LEPR: variants seen among roughly 807,000 people sequenced by gnomAD.
LEPR encodes the protein OB receptor.
Under a neutral mutation model 114.7 loss-of-function variants are expected in LEPR, and 56 were observed. The ratio of observed to expected loss-of-function variants is 0.49; its 90% CI spans 0.39 to 0.61. The LOEUF is 0.61. Ranked by LOEUF, LEPR falls within the 20% of genes least tolerant of loss-of-function variation. The pLI is 0.00. For missense variants in LEPR, 1,202 were observed against 1,352.9 expected (o/e 0.89, Z 1.75); for synonymous variants, 443 against 461.4 (o/e 0.96, Z 0.51).
intron 2 of LEPR, among the ~76,000 whole-genome samples, chr1:65,469,180 G>A (rs1647052871): frequency 1.3e-5 from 2 of 152,152 alleles, no homozygotes. Context: ...GCTATGCTGA[G>A]TCCGGTGGGC....
At chr1:65,556,233 C>T (rs1480367326) in intron 2 of LEPR, among the ~76,000 whole-genome samples, 1 of 152,154 alleles carries the variant, frequency 6.6e-6, no homozygotes, top group Non-Finnish European at 1.5e-5. Flanking sequence ...TGATCTTGGA[C>T]TTTCCAGCCT....
At chr1:65,552,137 A>G (rs908515719) in intron 2 of LEPR, among the ~76,000 whole-genome samples, 1 of 152,154 alleles carries the variant, frequency 6.6e-6, no homozygotes, top group Admixed American at 6.5e-5. Flanking sequence ...TATGTGGTCA[A>G]TTTTAGAATA....
At chr1:65,625,608 A>G (rs1315604197) in intron 19 of LEPR, among the ~76,000 whole-genome samples, 1 of 152,184 alleles carries the variant, frequency 6.6e-6, no homozygotes, top group Non-Finnish European at 1.5e-5. Context: ...AAGGGGTTCC[A>G]TTGTGCTGAG....
chr1:65,529,389 G>A (rs1393141154), intron 2 of LEPR, among the ~76,000 whole-genome samples: 3 of 151,902 alleles, frequency 2.0e-5, no homozygotes, highest in African/African-American at 7.3e-5. Flanking sequence ...AGACCTGGTG[G>A]CAGGCGCCTG....
At chr1:65,458,568 G>T (rs190834677) in intron 2 of LEPR, among the ~76,000 whole-genome samples, 23 of 152,204 alleles carry the variant, frequency 1.5e-4, no homozygotes, top group Admixed American at 1.4e-3. Flanking sequence ...TAGGTAAGGG[G>T]TTTTTGTTTT....
intron 2 of LEPR, among the ~76,000 whole-genome samples, chr1:65,515,851 T>A (rs571109477): frequency 6.6e-6 from 1 of 152,314 alleles, no homozygotes; most frequent in South Asian, 2.1e-4. Context: ...ACATTTTGAA[T>A]ATCATGAAAT....
intron 2 of LEPR, among the ~76,000 whole-genome samples, chr1:65,530,267 T>C (rs537635340): frequency 6.6e-6 from 1 of 152,232 alleles, no homozygotes; most frequent in Non-Finnish European, 1.5e-5. Flanking sequence ...CTCTGTGCTC[T>C]ATCTTCAAAA....
At chr1:65,554,715 G>C (rs1166628401) in intron 2 of LEPR, among the ~76,000 whole-genome samples, 1 of 152,012 alleles carries the variant, frequency 6.6e-6, no homozygotes, top group Admixed American at 6.6e-5. Flanking sequence ...GGAAGTGAAC[G>C]GTTCTGTCTG....
intron 19 of LEPR, among the ~76,000 whole-genome samples, chr1:65,629,027 T>A (rs1174970493): frequency 6.6e-6 from 1 of 152,146 alleles, no homozygotes; most frequent in Non-Finnish European, 1.5e-5. Context: ...CTTATGCCAC[T>A]ATGAAATGTA....
intron 2 of LEPR, chr1:65,434,908 A>G (rs2100248204): frequency 1.0e-6 from 1 of 985,488 alleles, no homozygotes; most frequent in East Asian, 1.1e-4. Flanking sequence ...ATCACACTTC[A>G]TCACAGAAAG....
chr1:65,488,217 TCTCTCTCTC>T lies in LEPR; in HGVS notation c.-21+62840_-21+62848del, dbSNP rs777101010. The stretch of plus-strand genomic sequence containing the variant: ...CTTTCTTTCTTTCTTTCTTTCTCTC[TCTCTCTCTC>T]TCTTTCTTTCTTTCTTTCTTTCTTT... On this transcript the variant is annotated intron_variant, in intron 2 of 19. Coordinates refer to ENST00000349533, the MANE Select transcript of LEPR (RefSeq NM_002303.6). 5.9e-3 allele frequency among the ~76,000 whole-genome samples: 339 copies of T among 57,916 alleles called. 4 individuals are homozygous for T. Among genetic ancestry groups the T allele is most frequent in the Non-Finnish European group, 7.5e-3 (239 of 31,748 alleles). The allele number at this position is 57,916 out of a possible 152,430, so 38.0% of individuals were successfully genotyped here.
intron 7 of LEPR, among the ~76,000 whole-genome samples, chr1:65,597,019 A>G (rs759393217): frequency 3.8e-4 from 58 of 152,178 alleles, no homozygotes; most frequent in Non-Finnish European, 7.6e-4. Context: ...TTTTAGCAGG[A>G]ACACCCCCAC....
At chr1:65,436,111 G>T (rs1646559776) in intron 2 of LEPR, 1 of 976,834 alleles carries the variant, frequency 1.0e-6, no homozygotes, top group Non-Finnish European at 1.2e-6. Context: ...CAGTGTTTTT[G>T]TCTGTATAAT....
At chr1:65,557,643 C>T (rs1187556273) in intron 2 of LEPR, among the ~76,000 whole-genome samples, 2 of 152,224 alleles carry the variant, frequency 1.3e-5, no homozygotes. Flanking sequence ...TGGTCTTGAA[C>T]TCCCGACCTC....
At chr1:65,488,204 CTT>C (rs369459194) in intron 2 of LEPR, among the ~76,000 whole-genome samples, 1,679 of 34,282 alleles carry the variant, frequency 0.049, 70 homozygotes, top group Admixed American at 0.079. Flanking sequence ...TTCTTTCTTT[CTT>C]TCTTTCTCTC....
intron 2 of LEPR, chr1:65,435,188 C>T: frequency 1.0e-6 from 1 of 985,368 alleles, no homozygotes; most frequent in Non-Finnish European, 1.2e-6. Context: ...ATAGTTGTTT[C>T]TTTTCTTCCA....
chr1:65,529,868 T>A (rs1650263930), intron 2 of LEPR, among the ~76,000 whole-genome samples: 1 of 152,150 alleles, frequency 6.6e-6, no homozygotes, highest in Non-Finnish European at 1.5e-5. Flanking sequence ...CTCCTTTCTG[T>A]CTCCTGTGCT....
intron 5 of LEPR, among the ~76,000 whole-genome samples, chr1:65,582,663 CTTCTT>C (rs1378012824): frequency 2.0e-5 from 3 of 152,184 alleles, no homozygotes; most frequent in Non-Finnish European, 4.4e-5. Context: ...CTTTTCCTCT[CTTCTT>C]TTATTGTGAA....
At chr1:65,518,857 TTC>T (rs1409546226) in intron 2 of LEPR, among the ~76,000 whole-genome samples, 3 of 142,412 alleles carry the variant, frequency 2.1e-5, no homozygotes, top group African/African-American at 8.0e-5. Context: ...TTTTTCTCTT[TTC>T]TTTCTTTCTT....
Sources: gnomAD v4.1 joint callset for allele counts (sites outside exome capture counted in the v4.1 genomes callset) on GRCh38, gnomAD v4.1.1 for gene constraint, MANE v1.5 for transcripts, NCBI Gene and HGNC (gene_info 2026-07-23, HGNC 2026-07-21) for gene names.